The following MMP15 variants were observed in gnomAD, a reference collection of about 807,000 sequenced individuals.
The protein encoded by MMP15 is matrix metallopeptidase 15, also known as matrix metalloproteinase-15.
A neutral mutation model predicts 65.0 loss-of-function variants in MMP15; 36 were observed. The ratio of observed to expected loss-of-function variants is 0.55; its 90% CI spans 0.42 to 0.73. The LOEUF (loss-of-function observed/expected upper bound fraction) is 0.73. MMP15 is among the 30% of genes least tolerant of loss of function. MMP15 has a pLI of 0.00. For synonymous variants in MMP15, 428 were observed against 410.2 expected, an observed-to-expected ratio of 1.04 and a Z score of -0.52; for missense variants, 870 against 987.8, an observed-to-expected ratio of 0.88 and a Z score of 1.60.
At position 58,040,980 on chromosome 16, in the gene MMP15, C is replaced by T. The variant is rs1959439851; in HGVS notation, c.910+282C>T. 1.3e-5 allele frequency: 7 copies of T among 520,854 alleles called. No homozygotes were observed. The Admixed American group carries it at 1.5e-4, about 11-fold the overall frequency. 32.3% of individuals were successfully genotyped at this position (520,854 alleles called of 1,614,324 possible). A position where few individuals can be genotyped will look rare whatever the true frequency, so the allele number is the denominator to read the frequency against. ...ACCCTCCTCTCCTCCTCACCCTTGG[C>T]AGTATTCTTACTAGACCACAAGTGC... On this transcript the variant is annotated intron_variant, in intron 5 of 9. Coordinates refer to ENST00000219271, the MANE Select transcript of MMP15 (RefSeq NM_002428.4).
In MMP15 at chr16:58,045,353, C is replaced by A; in HGVS notation, c.1917C>A (p.Val639=). ...TGCCACTGCTGCTGCTGCTCTGCGT[C>A]CTGGGCCTCACCTACGCGCTGGTGC... ...VLVPLLLLLC[V]LGLTYALVQM... is the part of the protein sequence containing the mutation. Residue 639 remains valine (V), a synonymous_variant, in exon 10 of 10, where the codon GTC becomes GTA. Transcript: ENST00000219271. The A allele has an allele frequency of 6.2e-7, 1 of 1,602,702 alleles. No homozygotes were observed.
chr16:58,040,890 G>T (rs1959438549), intron 5 of MMP15, 192 bp downstream of exon 5: 3 of 827,168 alleles, frequency 3.6e-6, no homozygotes, highest in Non-Finnish European at 5.8e-6. Flanking sequence ...TGCCTCCAGG[G>T]CCTGGGCCTC....
chr16:58,035,828 T>C (rs1281205417), intron 1 of MMP15, among the ~76,000 whole-genome samples: 1 of 152,206 alleles, frequency 6.6e-6, no homozygotes, highest in Non-Finnish European at 1.5e-5. Context: ...AGCTTCTCCA[T>C]GCTGCCCCTC....
chr16:58,041,658 A>G lies in MMP15; in HGVS notation c.952A>G (p.Thr318Ala). 6.3e-7 allele frequency: 1 copy of G among 1,581,958 alleles called. No individual in the cohort carries two copies. Among genetic ancestry groups the G allele is most frequent in the Non-Finnish European group, 8.6e-7 (1 of 1,164,396 alleles). ...GCCACAGCCTACCCAGCCTCTCCCC[A>G]CTGTGACGCCACGGCGGCCAGGCCG... Reference protein sequence around the residue: ...GQPQPTQPLPTVTPRRPGRPD... With the variant: ...GQPQPTQPLPAVTPRRPGRPD... Residue 318 changes from threonine (T) to alanine (A), a missense_variant, in exon 6 of 10, where the codon ACT becomes GCT. Coordinates refer to ENST00000219271, the MANE Select transcript of MMP15 (RefSeq NM_002428.4).
chr16:58,040,582 T>C lies in MMP15; in HGVS notation c.794T>C (p.Leu265Pro). 1.9e-6 allele frequency: 3 copies of C among 1,614,060 alleles called. No individual in the cohort carries two copies. The highest frequency in any genetic ancestry group is 1.7e-6 in the Non-Finnish European group (2 of 1,180,028). Residue 265 changes from leucine (L) to proline (P), a missense_variant, in exon 5 of 10, where the codon CTG becomes CCG. Leu to Pro is a moderately conservative substitution (Grantham distance 98). Coordinates refer to ENST00000219271, the MANE Select transcript of MMP15 (RefSeq NM_002428.4). ...LVAVHELGHA[L>P]GLEHSSNPNA... ...GCAGTGCATGAGCTGGGCCACGCGC[T>C]GGGGCTGGAGCACTCCAGCAACCCC...
Position 58,033,719 on chromosome 16 carries a change from A to G in MMP15, c.163-3753A>G, listed in dbSNP as rs796480812. 2.6e-5 allele frequency among the ~76,000 whole-genome samples: 4 copies of G among 152,370 alleles called. No homozygotes were observed. The East Asian group carries it at 5.8e-4, about 22-fold the overall frequency. On this transcript the variant is annotated intron_variant, in intron 1 of 9. Coordinates refer to ENST00000219271, the MANE Select transcript of MMP15 (RefSeq NM_002428.4). Reference sequence around the variant, plus strand: ...GTAGTTCGAGACCAGCCTGGCCACCATAGTGAAACTGTGTCTCTACCAAAA... The same window carrying G: ...GTAGTTCGAGACCAGCCTGGCCACCGTAGTGAAACTGTGTCTCTACCAAAA...
At chr16:58,033,851 C>T (rs1378434226) in intron 1 of MMP15, among the ~76,000 whole-genome samples, 3 of 152,206 alleles carry the variant, frequency 2.0e-5, no homozygotes, top group African/African-American at 7.2e-5. Context: ...TGCAGTGAAC[C>T]GAGATCATGC....
chr16:58,034,361 C>T (rs1183133462), intron 1 of MMP15, among the ~76,000 whole-genome samples: 2 of 150,652 alleles, frequency 1.3e-5, no homozygotes, highest in Admixed American at 6.6e-5. Context: ...CCCACCCCCG[C>T]GTCCCCGCCC....
chr16:58,040,966 C>T, intron 5 of MMP15: 2 of 552,204 alleles, frequency 3.6e-6, no homozygotes, highest in Non-Finnish European at 6.6e-6. Flanking sequence ...CCCTCCTCTC[C>T]TCCTCACCCT....
chr16:58,027,186 C>T (rs1007684893), intron 1 of MMP15, among the ~76,000 whole-genome samples: 2 of 152,362 alleles, frequency 1.3e-5, no homozygotes, highest in African/African-American at 2.4e-5. Context: ...TTCCTCCCAA[C>T]AGCGCCCCTA....
chr16:58,026,316 G>C lies in MMP15; in HGVS notation c.-35G>C. 7.7e-7 allele frequency: 1 copy of C among 1,291,986 alleles called. No homozygotes were observed. Among genetic ancestry groups the C allele is most frequent in the Admixed American group, 4.2e-5 (1 of 23,778 alleles). The allele number at this position is 1,291,986 out of a possible 1,614,324, so 80.0% of individuals were successfully genotyped here. A position where few individuals can be genotyped will look rare whatever the true frequency, so the allele number is the denominator to read the frequency against. ...TCCAAGGCGCGTGCGAGGATCCGGC[G>C]TGCAGTGTTCCGAGCTGGGCTGGGC... On this transcript the variant is annotated 5_prime_UTR_variant, in exon 1 of 10. Coordinates refer to ENST00000219271, the MANE Select transcript of MMP15 (RefSeq NM_002428.4).
intron 9 of MMP15, among the ~76,000 whole-genome samples, chr16:58,044,211 C>T (rs569965296): frequency 6.6e-6 from 1 of 152,240 alleles, no homozygotes; most frequent in South Asian, 2.1e-4. Flanking sequence ...TTGGAGAGGC[C>T]GATGCGAGAG....
chr16:58,033,029 G>A (rs1481831180), intron 1 of MMP15, among the ~76,000 whole-genome samples: 1 of 152,092 alleles, frequency 6.6e-6, no homozygotes, highest in South Asian at 2.1e-4. Context: ...TGGGGCGGCT[G>A]CAGCAGACGC....
Position 58,045,614 on chromosome 16 carries a change from CCTTA to C in MMP15, c.*172_*175del. The C allele has an allele frequency of 1.7e-6, 1 of 599,214 alleles. No homozygotes were observed. The highest frequency in any genetic ancestry group is 2.9e-6 in the Non-Finnish European group (1 of 350,412). The allele number at this position is 599,214 out of a possible 1,614,324, so 37.1% of individuals were successfully genotyped here. On this transcript the variant is annotated 3_prime_UTR_variant, in exon 10 of 10. Transcript: ENST00000219271. ...TGTTTGTTTTGTTTTGTTTTTGGCA[CCTTA>C]CTTGACCATTTGTTTCTGTTTCCCC...
At chr16:58,040,406 A>G in intron 4 of MMP15, 131 bp from the exon 5 acceptor site, 1 of 1,231,780 alleles carries the variant, frequency 8.1e-7, no homozygotes, top group Non-Finnish European at 1.1e-6. Context: ...TTGTAGGCCG[A>G]AAGAGCTCAG....
rs929351704 is a variant in MMP15, at chr16:58,026,571, C to T, written c.162+59C>T. 3 of 1,278,366 alleles carry T rather than the reference C, an allele frequency of 2.3e-6. No individual in the cohort carries two copies. In the Admixed American group the frequency reaches 1.3e-4, roughly 54 times the overall value. 79.2% of individuals were successfully genotyped at this position (1,278,366 alleles called of 1,614,324 possible). Reference sequence around the variant, plus strand: ...TGGGGGCTTGGAGGGAGAGGCGCCACGTCCGCAGGCTGGGACTTGGAGGTG... The same window carrying T: ...TGGGGGCTTGGAGGGAGAGGCGCCATGTCCGCAGGCTGGGACTTGGAGGTG... On this transcript the variant is annotated intron_variant, in intron 1 of 9. Transcript: ENST00000219271.
At chr16:58,038,433 G>T in intron 3 of MMP15, 39 bp downstream of exon 3, 2 of 1,610,630 alleles carry the variant, frequency 1.2e-6, no homozygotes, top group Non-Finnish European at 8.5e-7. Flanking sequence ...TCTGCCCCTC[G>T]GCAGGCCGAG....
At position 58,037,557 on chromosome 16, in the gene MMP15, T is replaced by C. The variant is rs1304121471; in HGVS notation, c.248T>C (p.Leu83Pro). 2 of 1,614,188 alleles carry C rather than the reference T, an allele frequency of 1.2e-6. No individual in the cohort carries two copies. The change falls in exon 2 of 10, where the codon CTT becomes CCT. Residue 83 changes from leucine (L) to proline (P), a missense_variant. Coordinates refer to ENST00000219271, the MANE Select transcript of MMP15 (RefSeq NM_002428.4). ...TCCGCCCAGATCTTGGCCTCGGCCCTTGCAGAGATGCAGCGCTTCTACGGG... is the reference window on the plus strand; with the variant it reads ...TCCGCCCAGATCTTGGCCTCGGCCCCTGCAGAGATGCAGCGCTTCTACGGG... ...MRSAQILASA[L>P]AEMQRFYGIP...
At chr16:58,032,811 C>T (rs1959258742) in intron 1 of MMP15, among the ~76,000 whole-genome samples, 2 of 152,240 alleles carry the variant, frequency 1.3e-5, no homozygotes, top group African/African-American at 4.8e-5. Flanking sequence ...CTGGATCCAT[C>T]GCTGGCAGCC....
Sources: allele counts gnomAD v4.1 joint callset (sites outside exome capture counted in the v4.1 genomes callset), GRCh38; gene constraint gnomAD v4.1.1; transcripts MANE v1.5; gene names NCBI Gene and HGNC (gene_info 2026-07-23, HGNC 2026-07-21).